The following PIEZO2 variants were observed in gnomAD, a reference collection of about 807,000 sequenced individuals.
PIEZO2 encodes piezo type mechanosensitive ion channel component 2, also known as piezo-type mechanosensitive ion channel component 2.
In PIEZO2, 172 loss-of-function variants were observed where a neutral mutation model predicts 337.3. That is an observed-to-expected ratio of 0.51 (90% CI 0.45 to 0.58). The LOEUF is 0.58. Among genes scored for constraint, PIEZO2 ranks in the 20% least tolerant of loss-of-function variants. The probability of loss-of-function intolerance (pLI) is 0.00; values close to 1 mark genes in which losing one functional copy is unlikely to be tolerated. For synonymous variants in PIEZO2, 1,251 were observed against 1,228.5 expected, an observed-to-expected ratio of 1.02 and a Z score of -0.38; for missense variants, 3,028 against 3,391.3, an observed-to-expected ratio of 0.89 and a Z score of 2.66.
intron 33 of PIEZO2, chr18:10,739,188 A>G (rs1026231030): frequency 4.6e-5 from 7 of 152,366 alleles, no homozygotes; most frequent in African/African-American, 1.7e-4. Flanking sequence ...AAAAAGAAAT[A>G]CATTTTGCAG....
At chr18:10,739,647 G>A (rs1016188651) in intron 33 of PIEZO2, 3 of 152,182 alleles carry the variant, frequency 2.0e-5, no homozygotes, top group African/African-American at 7.2e-5. Context: ...GCATTTACCA[G>A]ATTGTTAGCG....
intron 20 of PIEZO2, among the ~76,000 whole-genome samples, chr18:10,772,171 G>T (rs1342189234): frequency 6.6e-6 from 1 of 152,148 alleles, no homozygotes; most frequent in Admixed American, 6.5e-5. Flanking sequence ...TGTATACAGG[G>T]TTCTGTGTTA....
chr18:10,682,035 C>T lies in PIEZO2; in HGVS notation c.7686+69G>A. 7.0e-7 allele frequency: 1 copy of T among 1,420,952 alleles called. No individual in the cohort carries two copies. The highest frequency in any genetic ancestry group is 9.4e-7 in the Non-Finnish European group (1 of 1,066,356). 88.0% of individuals were successfully genotyped at this position (1,420,952 alleles called of 1,614,324 possible). On this transcript the variant is annotated intron_variant, in intron 50 of 55. Coordinates refer to ENST00000674853, the MANE Select transcript of PIEZO2 (RefSeq NM_001378183.1). This position sits in a 1 kb window ranked among gnomAD's most constrained non-coding sequence, Gnocchi z 5.6. ...CGGCAGCCCATGACTAAACACCCTACAGACAGCTATCATAAAGGAATGTGG... is the reference window on the plus strand; with the variant it reads ...CGGCAGCCCATGACTAAACACCCTATAGACAGCTATCATAAAGGAATGTGG...
chr18:11,112,886 A>T lies in PIEZO2; in HGVS notation c.64+35639T>A, dbSNP rs2039778154. Among the ~76,000 whole-genome samples, 1 of 152,146 alleles carries T rather than the reference A, an allele frequency of 6.6e-6. No individual in the cohort carries two copies. Among genetic ancestry groups the T allele is most frequent in the African/African-American group, 2.4e-5 (1 of 41,426 alleles). On this transcript the variant is annotated intron_variant, in intron 1 of 55. Transcript: ENST00000674853. This position sits in a 1 kb window ranked among gnomAD's most constrained non-coding sequence, Gnocchi z 4.3. ...AATATCCTGATCCTCAGGTTCTCTC[A>T]AACAGTCTCTGGGCCCATCTAAGAC... is the stretch of plus-strand genomic sequence containing the variant.
intron 3 of PIEZO2, among the ~76,000 whole-genome samples, chr18:10,931,161 T>G (rs904554528): frequency 6.6e-6 from 1 of 152,128 alleles, no homozygotes; most frequent in Admixed American, 6.5e-5. Flanking sequence ...CATCCAGCTA[T>G]CTAAATATAT....
At chr18:10,934,666 T>C (rs1188212552) in intron 3 of PIEZO2, among the ~76,000 whole-genome samples, 1 of 151,426 alleles carries the variant, frequency 6.6e-6, no homozygotes, top group Non-Finnish European at 1.5e-5. Flanking sequence ...TGTGTGTGTG[T>C]GTGTGTGTGT....
chr18:10,999,152 A>G (rs191166549), intron 2 of PIEZO2, among the ~76,000 whole-genome samples: 62 of 151,824 alleles, frequency 4.1e-4, no homozygotes, highest in African/African-American at 1.4e-3. Context: ...TTTAAAGGAG[A>G]ACTCTGAGCC....
intron 3 of PIEZO2, among the ~76,000 whole-genome samples, chr18:10,967,559 T>G (rs1196475188): frequency 6.6e-6 from 1 of 152,194 alleles, no homozygotes; most frequent in Non-Finnish European, 1.5e-5. Context: ...TAGTCTACAT[T>G]CCCATCAACA....
Position 10,856,453 on chromosome 18 carries a change from T to C in PIEZO2, c.703+548A>G, listed in dbSNP as rs1466975121. Among the ~76,000 whole-genome samples the C allele has an allele frequency of 6.6e-6, 1 of 152,094 alleles. No homozygotes were observed. Among genetic ancestry groups the C allele is most frequent in the Non-Finnish European group, 1.5e-5 (1 of 68,014 alleles). ...TCCGGGGCAGTGGTGAGCAGTGGAATGGAAGGAGGGAAAAGATCAAGATAA... is the reference window on the plus strand; with the variant it reads ...TCCGGGGCAGTGGTGAGCAGTGGAACGGAAGGAGGGAAAAGATCAAGATAA... On this transcript the variant is annotated intron_variant, in intron 6 of 55. Coordinates refer to ENST00000674853, the MANE Select transcript of PIEZO2 (RefSeq NM_001378183.1). This position sits in a 1 kb window ranked among gnomAD's most constrained non-coding sequence, Gnocchi z 4.7.
chr18:10,802,104 A>G (rs2039844343), intron 9 of PIEZO2, among the ~76,000 whole-genome samples: 1 of 143,820 alleles, frequency 7.0e-6, no homozygotes, highest in African/African-American at 2.5e-5. Flanking sequence ...AAAAAAAAAA[A>G]AAGAAAGAAA....
intron 47 of PIEZO2, among the ~76,000 whole-genome samples, chr18:10,691,594 C>T (rs2034829692): frequency 6.6e-6 from 1 of 151,606 alleles, no homozygotes; most frequent in African/African-American, 2.4e-5. Context: ...GTGAATGGTG[C>T]CTCCAATCTG....
chr18:11,114,910 A>T (rs1298620915), intron 1 of PIEZO2, among the ~76,000 whole-genome samples: 3 of 152,208 alleles, frequency 2.0e-5, no homozygotes, highest in African/African-American at 7.2e-5. Flanking sequence ...TCAGATAACT[A>T]ACAACAGAGG....
chr18:10,770,125 T>C, intron 21 of PIEZO2, 23 bp downstream of exon 21: 1 of 1,536,492 alleles, frequency 6.5e-7, no homozygotes, highest in Non-Finnish European at 8.7e-7. Flanking sequence ...TTCAGCCTGA[T>C]GATAGGACAA....
chr18:10,858,321 CAAAAAAAAAAAAAAAA>C (rs11361243), intron 5 of PIEZO2, among the ~76,000 whole-genome samples: 3 of 56,350 alleles, frequency 5.3e-5, no homozygotes, highest in Admixed American at 5.1e-4. Flanking sequence ...GACTTCAACC[CAAAAAAAAAAAAAAAA>C]AAAAAAAAAA....
rs183463715 is a variant in PIEZO2, at chr18:10,997,790, G to T, written c.161-18130C>A. On this transcript the variant is annotated intron_variant, in intron 2 of 55. Transcript: ENST00000674853. ...AGAGACTTAAGGGACAAAATAAAAA[G>T]GTCTATCATTTGCATCATTAGAGTT... Among the ~76,000 whole-genome samples the T allele has an allele frequency of 3.3e-5, 5 of 152,084 alleles. No homozygotes were observed. The East Asian group carries it at 9.6e-4, about 29-fold the overall frequency.
Position 10,952,640 on chromosome 18 carries a change from C to A in PIEZO2, c.286+26895G>T, listed in dbSNP as rs147892028. The stretch of plus-strand genomic sequence containing the variant: ...CCAGTTGGGGCAATGACGAATAAAC[C>A]TGCTTTAAACATTTGCTTAAAATTT... On this transcript the variant is annotated intron_variant, in intron 3 of 55. Transcript: ENST00000674853. This position sits in a 1 kb window ranked among gnomAD's most constrained non-coding sequence, Gnocchi z 4.1. Among the ~76,000 whole-genome samples the A allele has an allele frequency of 6.6e-6, 1 of 152,312 alleles. No homozygotes were observed. The highest frequency in any genetic ancestry group is 1.5e-5 in the Non-Finnish European group (1 of 68,020).
In PIEZO2 at chr18:10,677,733, A is replaced by G; in HGVS notation, c.8081+14T>C. On this transcript the variant is annotated intron_variant, in intron 53 of 55. Transcript: ENST00000674853. The surrounding 1 kb of genome is among the most constrained non-coding windows in gnomAD (Gnocchi z 4.1). ...ACCTAACAAAGCTCTATTAGTAGGA[A>G]AAAATACACTTACACTGGTGTTTTT... is the stretch of plus-strand genomic sequence containing the variant. 6.2e-7 allele frequency: 1 copy of G among 1,606,082 alleles called. No individual in the cohort carries two copies. The highest frequency in any genetic ancestry group is 1.1e-5 in the South Asian group (1 of 88,026).
chr18:10,891,893 G>A (rs1195464138), intron 4 of PIEZO2, among the ~76,000 whole-genome samples: 3 of 152,118 alleles, frequency 2.0e-5, no homozygotes, highest in East Asian at 3.8e-4. Flanking sequence ...AAAATAGAGT[G>A]GTAGACATAC....
intron 3 of PIEZO2, among the ~76,000 whole-genome samples, chr18:10,935,874 A>T (rs1228241023): frequency 2.6e-5 from 4 of 152,182 alleles, no homozygotes; most frequent in Non-Finnish European, 5.9e-5. Context: ...AGCTTTCTTG[A>T]ACCCACATTT....
Sources: gnomAD v4.1 joint callset for allele counts (sites outside exome capture counted in the v4.1 genomes callset) on GRCh38, gnomAD v4.1.1 for gene constraint, Gnocchi (gnomAD v3.1) non-coding constraint, MANE v1.5 for transcripts, NCBI Gene and HGNC (gene_info 2026-07-23, HGNC 2026-07-21) for gene names.